Variants in CUX1 observed in about 807,000 individuals in gnomAD.
The protein encoded by CUX1 is cut like homeobox 1.
CUX1 carries 31 observed loss-of-function variants against 158.8 expected under a neutral mutation model. The ratio of observed to expected loss-of-function variants is 0.20; its 90% CI spans 0.15 to 0.26. The LOEUF is 0.26. Among genes scored for constraint, CUX1 ranks in the 10% least tolerant of loss-of-function variants. The probability of loss-of-function intolerance (pLI) is 1.00; values close to 1 mark genes in which losing one functional copy is unlikely to be tolerated. For synonymous variants in CUX1, 879 were observed against 862.1 expected, an observed-to-expected ratio of 1.02 and a Z score of -0.34; for missense variants, 1,589 against 2,014.6, an observed-to-expected ratio of 0.79 and a Z score of 4.04.
intron 3 of CUX1, among the ~76,000 whole-genome samples, chr7:102,057,430 A>G (rs2130268143): frequency 6.6e-6 from 1 of 152,304 alleles, no homozygotes; most frequent in East Asian, 1.9e-4. Flanking sequence ...ATCTAGGCAA[A>G]TTAAATAGAA....
intron 14 of CUX1, among the ~76,000 whole-genome samples, chr7:102,271,631 G>A (rs1202124133): frequency 2.0e-5 from 3 of 152,304 alleles, no homozygotes; most frequent in Non-Finnish European, 2.9e-5. Context: ...CTCCAAGGCC[G>A]GGTCCTGCCT....
intron 20 of CUX1, among the ~76,000 whole-genome samples, chr7:102,216,529 C>CT (rs1491244497): frequency 7.0e-4 from 45 of 64,398 alleles, no homozygotes; most frequent in African/African-American, 2.8e-3. Flanking sequence ...CACACACTCT[C>CT]CCCCCCACAC....
rs569492553 is a variant in CUX1, at chr7:101,909,649, A to G, written c.31-6466A>G. On this transcript the variant is annotated intron_variant, in intron 1 of 23. Coordinates refer to ENST00000292535, the MANE Select transcript of CUX1 (RefSeq NM_181552.4). ...GTGCTGTTTGATTAGTTTGACAGAT[A>G]ATCCCCCAAGAAACATCAGATGAAC... Among the ~76,000 whole-genome samples, 4 of 152,386 alleles carry G rather than the reference A, an allele frequency of 2.6e-5. 1 individual carries two copies. The South Asian group carries it at 8.3e-4, about 32-fold the overall frequency.
intron 4 of CUX1, among the ~76,000 whole-genome samples, chr7:102,085,383 C>T (rs1827854451): frequency 6.6e-6 from 1 of 152,088 alleles, no homozygotes; most frequent in Non-Finnish European, 1.5e-5. Flanking sequence ...AATTGTAGTT[C>T]CCATAAAACC....
intron 1 of CUX1, among the ~76,000 whole-genome samples, chr7:101,890,284 C>T (rs759248608): frequency 2.2e-4 from 34 of 152,060 alleles, no homozygotes; most frequent in Non-Finnish European, 3.2e-4. Flanking sequence ...TCCCCCAAAC[C>T]GGCACAGTGG....
chr7:102,144,677 A>AG (rs1554501495), intron 8 of CUX1, among the ~76,000 whole-genome samples: 4 of 151,510 alleles, frequency 2.6e-5, no homozygotes, highest in African/African-American at 7.3e-5. Flanking sequence ...TCTCAAAAAA[A>AG]AAAAAAAACA....
chr7:101,919,197 G>T (rs987244353), intron 2 of CUX1, among the ~76,000 whole-genome samples: 1 of 151,898 alleles, frequency 6.6e-6, no homozygotes, highest in African/African-American at 2.4e-5. Context: ...TGTGACAGCA[G>T]GTGTGTGTGT....
chr7:101,914,350 TCTTC>T (rs200253645), intron 1 of CUX1, among the ~76,000 whole-genome samples: 2,009 of 145,776 alleles, frequency 0.014, 61 homozygotes, highest in African/African-American at 0.042. Context: ...ATTCCTTCCT[TCTTC>T]CTTCCTTCCT....
chr7:101,964,813 T>G (rs1303276407), intron 2 of CUX1, among the ~76,000 whole-genome samples: 1 of 152,180 alleles, frequency 6.6e-6, no homozygotes, highest in Non-Finnish European at 1.5e-5. Context: ...GGAGGATGGT[T>G]GCATTTGGAC....
Position 102,252,210 on chromosome 7 carries a change from T to C in CUX1, c.*3168T>C. ...ATACTTCTAAGAGCTGCCACTAAAA[T>C]AATACAGCAATCCGTGGCCAGGGGA... On this transcript the variant is annotated 3_prime_UTR_variant, in exon 24 of 24. Transcript: ENST00000292535. 1.0e-6 allele frequency: 1 copy of C among 985,472 alleles called. No homozygotes were observed. Among genetic ancestry groups the C allele is most frequent in the Non-Finnish European group, 1.2e-6 (1 of 829,942 alleles). The allele number at this position is 985,472 out of a possible 1,614,324, so 61.0% of individuals were successfully genotyped here.
At chr7:102,168,252 A>G (rs992687273) in intron 9 of CUX1, among the ~76,000 whole-genome samples, 1 of 152,148 alleles carries the variant, frequency 6.6e-6, no homozygotes, top group African/African-American at 2.4e-5. Flanking sequence ...ACACCCACCC[A>G]GGCACCACAT....
In CUX1 at chr7:101,997,895, G is replaced by C. The variant is rs759712333; in HGVS notation, c.142-30203G>C. Among the ~76,000 whole-genome samples, 6 of 152,180 alleles carry C rather than the reference G, an allele frequency of 3.9e-5. No homozygotes were observed. In the South Asian group the frequency reaches 8.3e-4, roughly 21 times the overall value. ...TGACCCTGGACCCCACCCCAGTGCT[G>C]CTGGGCCCTGTGGGCACTCACAGAG... On this transcript the variant is annotated intron_variant, in intron 2 of 23. Coordinates refer to ENST00000292535, the MANE Select transcript of CUX1 (RefSeq NM_181552.4).
At chr7:102,225,583 G>A (rs1554528379) in intron 20 of CUX1, among the ~76,000 whole-genome samples, 2 of 152,142 alleles carry the variant, frequency 1.3e-5, no homozygotes, top group East Asian at 3.8e-4. Flanking sequence ...AAGACCCTTG[G>A]CCAGGCACAG....
At chr7:102,035,224 A>G (rs1821288025) in intron 3 of CUX1, among the ~76,000 whole-genome samples, 1 of 152,182 alleles carries the variant, frequency 6.6e-6, no homozygotes, top group Non-Finnish European at 1.5e-5. Flanking sequence ...ACGATGGTGC[A>G]ACTTTAGGAT....
intron 11 of CUX1, among the ~76,000 whole-genome samples, chr7:102,184,833 A>C (rs892323987): frequency 2.0e-5 from 3 of 151,998 alleles, no homozygotes; most frequent in African/African-American, 7.2e-5. Context: ...TTTTGTAGAG[A>C]CAGGGTCTCT....
At chr7:102,047,059 T>C (rs1435553437) in intron 3 of CUX1, among the ~76,000 whole-genome samples, 1 of 152,148 alleles carries the variant, frequency 6.6e-6, no homozygotes, top group East Asian at 1.9e-4. Flanking sequence ...TCAGGGAAGG[T>C]CTGTTCATTC....
intron 1 of CUX1, among the ~76,000 whole-genome samples, chr7:101,833,997 CCCT>C (rs1794350952): frequency 6.6e-6 from 1 of 151,978 alleles, no homozygotes; most frequent in Non-Finnish European, 1.5e-5. Context: ...TCCTGTCCTA[CCCT>C]GTGCAGCCAC....
In CUX1 at chr7:101,963,515, G is replaced by A. The variant is rs1458790799; in HGVS notation, c.141+47290G>A. Among the ~76,000 whole-genome samples, 4 of 152,310 alleles carry A rather than the reference G, an allele frequency of 2.6e-5. No homozygotes were observed. The East Asian group carries it at 5.8e-4, about 22-fold the overall frequency. ...GAAGTGACTGCTGCTGGTTAGTAGG[G>A]TGGGAAGTGGAGGCTGGAGGGCATT... On this transcript the variant is annotated intron_variant, in intron 2 of 23. Coordinates refer to ENST00000292535, the MANE Select transcript of CUX1 (RefSeq NM_181552.4).
At chr7:102,036,086 A>G (rs1402143286) in intron 3 of CUX1, among the ~76,000 whole-genome samples, 1 of 152,018 alleles carries the variant, frequency 6.6e-6, no homozygotes, top group East Asian at 1.9e-4. Flanking sequence ...ACATTTGTGT[A>G]ATCCCAAGTA....
Sources: gnomAD v4.1 joint callset for allele counts (sites outside exome capture counted in the v4.1 genomes callset) on GRCh38, gnomAD v4.1.1 for gene constraint, MANE v1.5 for transcripts, NCBI Gene and HGNC (gene_info 2026-07-23, HGNC 2026-07-21) for gene names.